The following NIT2 variants were observed in gnomAD, a reference collection of about 807,000 sequenced individuals.
The protein encoded by NIT2 is omega-amidase NIT2.
A neutral mutation model predicts 42.7 loss-of-function variants in NIT2; 46 were observed. The observed-to-expected ratio is 1.08, with a 90% CI of 0.85 to 1.38. The LOEUF is 1.38. Among genes scored for constraint, NIT2 ranks in the 40% most tolerant of loss-of-function variants. The probability of loss-of-function intolerance (pLI) is 0.00; values close to 1 mark genes in which losing one functional copy is unlikely to be tolerated. For synonymous variants in NIT2, 123 were observed against 121.9 expected (o/e 1.01, Z -0.06); for missense variants, 309 against 342.5 (o/e 0.90, Z 0.77).
intron 7 of NIT2, 32 bp from the exon 8 acceptor site, chr3:100,352,372 C>A (rs2289507): frequency 2.6e-6 from 4 of 1,524,226 alleles, no homozygotes; most frequent in Non-Finnish European, 2.7e-6. Context: ...TTATAATGTA[C>A]GATTTACCTC....
chr3:100,355,745 G>T lies in NIT2; in HGVS notation c.*477G>T. The T allele has an allele frequency of 6.5e-6, 1 of 153,496 alleles. No individual in the cohort carries two copies. The highest frequency in any genetic ancestry group is 6.5e-5 in the Admixed American group (1 of 15,374). 9.5% of individuals were successfully genotyped at this position (153,496 alleles called of 1,614,324 possible). On this transcript the variant is annotated 3_prime_UTR_variant, in exon 10 of 10. Transcript: ENST00000394140. The stretch of plus-strand genomic sequence containing the variant: ...GGTGATACATCTTTGGTGTTTGCCA[G>T]AGAAGTTGGCAGCCCCACCCCTCCT...
At chr3:100,334,992 G>A in intron 1 of NIT2, 194 bp downstream of exon 1, 1 of 575,640 alleles carries the variant, frequency 1.7e-6, no homozygotes, top group Non-Finnish European at 2.9e-6. Context: ...GGGATTCCAG[G>A]CTTCCGGGGT....
At chr3:100,343,058 T>C (rs191536666) in intron 4 of NIT2, among the ~76,000 whole-genome samples, 13 of 152,138 alleles carry the variant, frequency 8.5e-5, no homozygotes, top group Non-Finnish European at 1.5e-4. Flanking sequence ...AGCCTTTTTT[T>C]TTTTCTTCCC....
Position 100,348,873 on chromosome 3 carries a change from G to A in NIT2, c.576G>A (p.Gln192=), listed in dbSNP as rs1209083762. The A allele has an allele frequency of 7.4e-6, 12 of 1,613,680 alleles. No individual in the cohort carries two copies. Among genetic ancestry groups the A allele is most frequent in the Non-Finnish European group, 9.3e-6 (11 of 1,179,744 alleles). The change falls in exon 7 of 10, where the codon CAG becomes CAA. Residue 192 remains glutamine (Q), a synonymous_variant. Coordinates refer to ENST00000394140, the MANE Select transcript of NIT2 (RefSeq NM_020202.5). ...TTGPAHWELL[Q]RSRAVDNQVY... is the part of the protein sequence containing the mutation. ...GACCAGCCCATTGGGAGTTACTTCA[G>A]CGAAGCCGGTAAGAAAGGAACCATA...
At chr3:100,337,772 T>G (rs34745815) in intron 1 of NIT2, among the ~76,000 whole-genome samples, 8,289 of 152,246 alleles carry the variant, frequency 0.054, 322 homozygotes, top group Middle Eastern at 0.095. Flanking sequence ...ATATAAAAAA[T>G]TATTATCTGG....
chr3:100,346,206 C>T lies in NIT2; in HGVS notation c.456C>T (p.Ile152=), dbSNP rs767697321. The T allele has an allele frequency of 1.2e-6, 2 of 1,614,092 alleles. No individual in the cohort carries two copies. The highest frequency in any genetic ancestry group is 1.7e-5 in the Admixed American group (1 of 60,016). The part of the protein sequence containing the change: ...DTPYCRVGLG[I]CYDMRFAELA... Reference sequence around the variant, plus strand: ...CTTACTGCAGAGTGGGTCTGGGCATCTGCTACGACATGCGGTTTGCAGAGC... The same window carrying T: ...CTTACTGCAGAGTGGGTCTGGGCATTTGCTACGACATGCGGTTTGCAGAGC... The change falls in exon 6 of 10, where the codon ATC becomes ATT. Residue 152 remains isoleucine, a synonymous_variant. Coordinates refer to ENST00000394140, the MANE Select transcript of NIT2 (RefSeq NM_020202.5).
At chr3:100,350,967 T>G (rs1161579543) in intron 7 of NIT2, among the ~76,000 whole-genome samples, 5 of 152,184 alleles carry the variant, frequency 3.3e-5, no homozygotes, top group Non-Finnish European at 7.3e-5. Context: ...TTTGGTTTTT[T>G]GTGCTTGCAA....
intron 7 of NIT2, chr3:100,349,978 A>G (rs1178806968): frequency 2.0e-5 from 3 of 152,226 alleles, no homozygotes; most frequent in Non-Finnish European, 4.4e-5. Flanking sequence ...GAAGTAATAC[A>G]AAAAAAGTGT....
Position 100,358,503 on chromosome 3 carries a change from A to T in NIT2, c.*3235A>T, listed in dbSNP as rs1706344876. On this transcript the variant is annotated 3_prime_UTR_variant, in exon 10 of 10. Transcript: ENST00000394140. ...CAGTTTAGGTAAGGCAACACATTTA[A>T]TGAATTCACATTTAAGTGAATTCCT... 6.6e-6 allele frequency: 1 copy of T among 152,250 alleles called. No individual in the cohort carries two copies. The allele number at this position is 152,250 out of a possible 1,614,324, so 9.4% of individuals were successfully genotyped here. A position where few individuals can be genotyped will look rare whatever the true frequency, so the allele number is the denominator to read the frequency against.
chr3:100,357,637 CTTTTTTTTTTTTTT>C lies in NIT2; in HGVS notation c.*2378_*2391del, dbSNP rs869283536. 1 of 118,810 alleles carries C rather than the reference CTTTTTTTTTTTTTT, an allele frequency of 8.4e-6. No individual in the cohort carries two copies. Among genetic ancestry groups the C allele is most frequent in the Admixed American group, 8.6e-5 (1 of 11,628 alleles). 7.4% of individuals were successfully genotyped at this position (118,810 alleles called of 1,614,324 possible). Reference sequence around the variant, plus strand: ...GGTGGATGCTAAACTTTTTACATTTCTTTTTTTTTTTTTTTTTTTTTTGAGACAGAGTCACGCTG... The same window carrying C: ...GGTGGATGCTAAACTTTTTACATTTCTTTTTTTTGAGACAGAGTCACGCTG... On this transcript the variant is annotated 3_prime_UTR_variant, in exon 10 of 10. Coordinates refer to ENST00000394140, the MANE Select transcript of NIT2 (RefSeq NM_020202.5).
chr3:100,346,154 A>G, intron 5 of NIT2, 27 bp from the exon 6 acceptor site: 2 of 1,606,082 alleles, frequency 1.2e-6, no homozygotes, highest in Non-Finnish European at 1.7e-6. Flanking sequence ...TTAACTTTTC[A>G]TTTGTGCATT....
chr3:100,352,459 G>T lies in NIT2; in HGVS notation c.640G>T (p.Ala214Ser). 6.2e-7 allele frequency: 1 copy of T among 1,613,638 alleles called. No individual in the cohort carries two copies. The highest frequency in any genetic ancestry group is 8.5e-7 in the Non-Finnish European group (1 of 1,179,656). The part of the protein sequence containing the change: ...ATASPARDDK[A>S]SYVAWGHSTV... Reference sequence around the variant, plus strand: ...AGCCTCTCCTGCCCGGGATGACAAAGCCTCCTATGTTGCCTGGGGACACAG... The same window carrying T: ...AGCCTCTCCTGCCCGGGATGACAAATCCTCCTATGTTGCCTGGGGACACAG... The change falls in exon 8 of 10, where the codon GCC becomes TCC. Residue 214 changes from alanine to serine, a missense_variant. Ala to Ser is a moderately conservative substitution (Grantham distance 99, BLOSUM62 1). Coordinates refer to ENST00000394140, the MANE Select transcript of NIT2 (RefSeq NM_020202.5).
At chr3:100,337,883 T>C (rs1706096327) in intron 1 of NIT2, among the ~76,000 whole-genome samples, 1 of 152,158 alleles carries the variant, frequency 6.6e-6, no homozygotes, top group Non-Finnish European at 1.5e-5. Context: ...GGCAACAAAG[T>C]GAGACCCTGT....
At chr3:100,339,566 AT>A (rs377561340) in intron 2 of NIT2, among the ~76,000 whole-genome samples, 3 of 149,880 alleles carry the variant, frequency 2.0e-5, no homozygotes, top group African/African-American at 2.4e-5. Context: ...AGCCTCCAAC[AT>A]TTTTTTTTTA....
At chr3:100,338,804 C>G (rs1018631773) in intron 1 of NIT2, among the ~76,000 whole-genome samples, 1 of 152,216 alleles carries the variant, frequency 6.6e-6, no homozygotes, top group African/African-American at 2.4e-5. Context: ...GGATATTGCT[C>G]TATCTCCAGA....
chr3:100,337,117 C>T (rs916102894), intron 1 of NIT2, among the ~76,000 whole-genome samples: 1 of 152,162 alleles, frequency 6.6e-6, no homozygotes, highest in South Asian at 2.1e-4. Context: ...TCCATTTAAC[C>T]CTGAGTGGAC....
In NIT2 at chr3:100,336,688, G is replaced by A. The variant is rs554902518; in HGVS notation, c.7+1890G>A. 2.0e-4 allele frequency among the ~76,000 whole-genome samples: 31 copies of A among 152,278 alleles called. No homozygotes were observed. In the East Asian group the frequency reaches 2.1e-3, roughly 10 times the overall value. ...GTCTTAAAGAGCAGTATTGCTGCCCGCCTGTCCCCCTTCCAGCCCTAAGGC... is the reference window on the plus strand; with the variant it reads ...GTCTTAAAGAGCAGTATTGCTGCCCACCTGTCCCCCTTCCAGCCCTAAGGC... On this transcript the variant is annotated intron_variant, in intron 1 of 9. Transcript: ENST00000394140.
intron 1 of NIT2, among the ~76,000 whole-genome samples, chr3:100,337,541 A>T (rs541555373): frequency 6.6e-6 from 1 of 152,122 alleles, no homozygotes; most frequent in East Asian, 1.9e-4. Flanking sequence ...GTAACCTCCA[A>T]CTCCCAGGTT....
intron 4 of NIT2, 32 bp downstream of exon 4, chr3:100,341,193 ATC>A (rs755845104): frequency 6.6e-7 from 1 of 1,511,484 alleles, no homozygotes. Context: ...AGAATTTGTT[ATC>A]TCTAAGCCAG....
Sources: gnomAD v4.1 joint callset for allele counts (sites outside exome capture counted in the v4.1 genomes callset) on GRCh38, gnomAD v4.1.1 for gene constraint, MANE v1.5 for transcripts, NCBI Gene and HGNC (gene_info 2026-07-23, HGNC 2026-07-21) for gene names.